The following MDFIC2 variants were observed in gnomAD, a reference collection of about 807,000 sequenced individuals.
The protein encoded by MDFIC2 is myoD family inhibitor domain-containing protein 2.
At chr3:70,215,219 A>G (rs988000241) in intron 2 of MDFIC2, among the ~76,000 whole-genome samples, 1 of 152,144 alleles carries the variant, frequency 6.6e-6, no homozygotes. Context: ...GGAAACTGAT[A>G]GAGGGTCAGA....
intron 2 of MDFIC2, among the ~76,000 whole-genome samples, chr3:70,251,623 T>C (rs1463303584): frequency 2.0e-5 from 3 of 152,182 alleles, no homozygotes; most frequent in Non-Finnish European, 4.4e-5. Context: ...GACAGCAATA[T>C]ACCTGCAAAT....
Position 70,196,829 on chromosome 3 carries a change from A to G in MDFIC2, c.*97T>C, listed in dbSNP as rs1237420895. The G allele has an allele frequency of 2.3e-5, 9 of 397,396 alleles. No individual in the cohort carries two copies. Among genetic ancestry groups the G allele is most frequent in the Non-Finnish European group, 3.5e-5 (8 of 225,828 alleles). 24.6% of individuals were successfully genotyped at this position (397,396 alleles called of 1,614,324 possible). On this transcript the variant is annotated 3_prime_UTR_variant, in exon 4 of 4. Transcript: ENST00000567252. The stretch of plus-strand genomic sequence containing the variant: ...GGCCTATAGCATCCAAGAAATGTGT[A>G]CAGTCCTTACATTTCAGCACATGGA...
chr3:70,252,895 C>T (rs955741908), intron 2 of MDFIC2, among the ~76,000 whole-genome samples: 28 of 152,012 alleles, frequency 1.8e-4, no homozygotes, highest in African/African-American at 6.3e-4. Flanking sequence ...GCGTGGCCAA[C>T]ATCGTGAAAC....
intron 2 of MDFIC2, among the ~76,000 whole-genome samples, chr3:70,274,041 A>G (rs1463648334): frequency 6.7e-6 from 1 of 148,434 alleles, no homozygotes; most frequent in East Asian, 2.0e-4. Flanking sequence ...AAATAAAAGT[A>G]AGAAATTAAA....
At chr3:70,216,421 G>T (rs768144852) in intron 2 of MDFIC2, among the ~76,000 whole-genome samples, 4 of 151,822 alleles carry the variant, frequency 2.6e-5, no homozygotes, top group African/African-American at 4.8e-5. Context: ...AACCCTATGT[G>T]GTAGGTACTG....
rs144537882 is a variant in MDFIC2, at chr3:70,196,468, T to C, written c.*458A>G. On this transcript the variant is annotated 3_prime_UTR_variant, in exon 4 of 4. Transcript: ENST00000567252. ...CAAAATGATGTTATACAATACATTA[T>C]TAATAATAACCAACAATGCATAATG... 6.6e-6 allele frequency among the ~76,000 whole-genome samples: 1 copy of C among 152,322 alleles called. No homozygotes were observed. The highest frequency in any genetic ancestry group is 2.4e-5 in the African/African-American group (1 of 41,574).
chr3:70,266,671 C>T (rs1469510685), intron 2 of MDFIC2, among the ~76,000 whole-genome samples: 6 of 152,090 alleles, frequency 3.9e-5, no homozygotes, highest in Non-Finnish European at 7.4e-5. Context: ...GTCTCAAACT[C>T]CTAGGCCCAA....
At chr3:70,268,187 C>T (rs920955761) in intron 2 of MDFIC2, among the ~76,000 whole-genome samples, 1 of 152,092 alleles carries the variant, frequency 6.6e-6, no homozygotes, top group African/African-American at 2.4e-5. Context: ...TCAACATTCT[C>T]CGGCTGGGCG....
intron 2 of MDFIC2, among the ~76,000 whole-genome samples, chr3:70,227,911 C>T (rs9848447): frequency 0.081 from 12,252 of 152,004 alleles, 787 homozygotes; most frequent in African/African-American, 0.18. Context: ...CTTTTAACTA[C>T]CATGGTGCAC....
chr3:70,300,992 C>T (rs1575620291), intron 2 of MDFIC2, among the ~76,000 whole-genome samples: 1 of 152,074 alleles, frequency 6.6e-6, no homozygotes, highest in East Asian at 1.9e-4. Context: ...AGTAATTTCC[C>T]TTGGAAAAGT....
intron 2 of MDFIC2, among the ~76,000 whole-genome samples, chr3:70,211,885 C>T (rs1701354439): frequency 6.7e-6 from 1 of 149,984 alleles, no homozygotes; most frequent in Non-Finnish European, 1.5e-5. Flanking sequence ...TCCCTTCTTC[C>T]CTTCCCTTTG....
intron 2 of MDFIC2, among the ~76,000 whole-genome samples, chr3:70,288,688 A>G (rs983249273): frequency 1.3e-5 from 2 of 151,772 alleles, no homozygotes; most frequent in Admixed American, 6.6e-5. Flanking sequence ...TAATGTGTGG[A>G]AGTCTAAGTC....
At chr3:70,276,041 TA>T (rs1358408517) in intron 2 of MDFIC2, among the ~76,000 whole-genome samples, 2 of 151,826 alleles carry the variant, frequency 1.3e-5, no homozygotes, top group Non-Finnish European at 2.9e-5. Flanking sequence ...TTTCAAACTT[TA>T]AAAAAAAGTA....
At chr3:70,256,658 G>A (rs964574763) in intron 2 of MDFIC2, among the ~76,000 whole-genome samples, 3 of 152,144 alleles carry the variant, frequency 2.0e-5, no homozygotes, top group African/African-American at 4.8e-5. Flanking sequence ...CATGAGATGC[G>A]TCCCTCCTTC....
intron 2 of MDFIC2, among the ~76,000 whole-genome samples, chr3:70,283,364 T>C (rs1037930983): frequency 6.6e-6 from 1 of 152,104 alleles, no homozygotes; most frequent in Admixed American, 6.6e-5. Context: ...GCCTGGACTT[T>C]GGAGAACCTG....
intron 2 of MDFIC2, among the ~76,000 whole-genome samples, chr3:70,239,079 A>G (rs1701639796): frequency 6.6e-6 from 1 of 152,210 alleles, no homozygotes; most frequent in African/African-American, 2.4e-5. Flanking sequence ...GCTAAAATGA[A>G]TGGAAAAGAA....
At chr3:70,263,123 T>A (rs961585778) in intron 2 of MDFIC2, among the ~76,000 whole-genome samples, 1 of 152,184 alleles carries the variant, frequency 6.6e-6, no homozygotes, top group Non-Finnish European at 1.5e-5. Context: ...AATAGTTGTT[T>A]TGATACCCTG....
At chr3:70,271,587 G>C (rs1180819667) in intron 2 of MDFIC2, among the ~76,000 whole-genome samples, 1 of 152,134 alleles carries the variant, frequency 6.6e-6, no homozygotes, top group Non-Finnish European at 1.5e-5. Context: ...GCAAATTCTG[G>C]TTGGTCCATT....
chr3:70,245,397 T>C (rs1178237403), intron 2 of MDFIC2, among the ~76,000 whole-genome samples: 1 of 151,762 alleles, frequency 6.6e-6, no homozygotes, highest in Non-Finnish European at 1.5e-5. Flanking sequence ...AATGCTAGTA[T>C]AGATTTAAAA....
Sources: allele counts gnomAD v4.1 joint callset (sites outside exome capture counted in the v4.1 genomes callset), GRCh38; gene constraint gnomAD v4.1.1; transcripts MANE v1.5; gene names NCBI Gene and HGNC (gene_info 2026-07-23, HGNC 2026-07-21).